The following SLC9A3 variants were observed in gnomAD, a reference collection of about 807,000 sequenced individuals.
SLC9A3 encodes sodium/hydrogen exchanger 3.
Under a neutral mutation model 86.8 loss-of-function variants are expected in SLC9A3, and 37 were observed. The ratio of observed to expected loss-of-function variants is 0.43; its 90% CI spans 0.33 to 0.56. The LOEUF is 0.56. Among genes scored for constraint, SLC9A3 ranks in the 20% least tolerant of loss-of-function variants. The probability of loss-of-function intolerance (pLI) is 0.06; values close to 1 mark genes in which losing one functional copy is unlikely to be tolerated. For synonymous variants in SLC9A3, 581 were observed against 528.3 expected, an observed-to-expected ratio of 1.10 and a Z score of -1.37; for missense variants, 1,011 against 1,171.9, an observed-to-expected ratio of 0.86 and a Z score of 2.00.
intron 5 of SLC9A3, 81 bp downstream of exon 5, chr5:484,439 C>T: frequency 7.3e-7 from 1 of 1,368,796 alleles, no homozygotes; most frequent in Non-Finnish European, 1.0e-6. Context: ...CCCTGGCTGG[C>T]TCGCCCTGCC....
intron 1 of SLC9A3, among the ~76,000 whole-genome samples, chr5:520,219 A>G (rs1210387956): frequency 6.6e-6 from 1 of 152,166 alleles, no homozygotes; most frequent in East Asian, 1.9e-4. Context: ...CCACGACCCA[A>G]GGGGTACCCA....
chr5:519,805 C>T (rs553109410), intron 1 of SLC9A3, among the ~76,000 whole-genome samples: 3 of 151,934 alleles, frequency 2.0e-5, no homozygotes, highest in Non-Finnish European at 4.4e-5. Flanking sequence ...CACACTCCCA[C>T]AGTGGGGGTA....
At chr5:473,521 T>A in intron 16 of SLC9A3, 139 bp from the exon 17 acceptor site, 1 of 638,284 alleles carries the variant, frequency 1.6e-6, no homozygotes, top group Non-Finnish European at 2.2e-6. Context: ...CGGCGTCCGC[T>A]GGGGCCTCCT....
chr5:490,460 C>T (rs865946769), intron 2 of SLC9A3, among the ~76,000 whole-genome samples: 13 of 152,292 alleles, frequency 8.5e-5, no homozygotes, highest in Middle Eastern at 3.4e-3. Flanking sequence ...CATTCTGCTT[C>T]GTGCAAGGGA....
At position 492,665 on chromosome 5, in the gene SLC9A3, G is replaced by T. The variant is rs1217264267; in HGVS notation, c.212-594C>A. On this transcript the variant is annotated intron_variant, in intron 1 of 16. Coordinates refer to ENST00000264938, the MANE Select transcript of SLC9A3 (RefSeq NM_004174.4). ...GTGCTGGATGGACGGTGGTCGGGGG[G>T]GGGCCTCTGACCTGCCGCCCCACCG... Among the ~76,000 whole-genome samples, 3 of 145,796 alleles carry T rather than the reference G, an allele frequency of 2.1e-5. No individual in the cohort carries two copies. In the East Asian group the frequency reaches 5.8e-4, roughly 28 times the overall value.
rs373192316 is a variant in SLC9A3, at chr5:475,149, C to A, written c.2252-17G>T. The A allele has an allele frequency of 1.9e-6, 3 of 1,555,514 alleles. No homozygotes were observed. The highest frequency in any genetic ancestry group is 2.4e-5 in the South Asian group (2 of 83,952). ...TGTCAATTCCTAGGAGAGAGGGCAGCGGCTAGTCAGCCTTCGGAGAGCCCC... is the reference window on the plus strand; with the variant it reads ...TGTCAATTCCTAGGAGAGAGGGCAGAGGCTAGTCAGCCTTCGGAGAGCCCC... On this transcript the variant is annotated splice_polypyrimidine_tract_variant and intron_variant, in intron 15 of 16. Transcript: ENST00000264938.
rs369845154 is a variant in SLC9A3 at position 484,589 on chromosome 5, C to G, written c.863G>C (p.Gly288Ala). The G allele has an allele frequency of 2.2e-5, 35 of 1,613,190 alleles. No individual in the cohort carries two copies. In the African/African-American group the frequency reaches 4.5e-4, roughly 21 times the overall value. The change falls in exon 5 of 17, where the codon GGC (glycine) becomes GCC (alanine). Residue 288 changes from glycine (G) to alanine (A), a missense_variant. Physicochemically the swap from Gly to Ala is moderately conservative, Grantham distance 60. This residue lies in a region of SLC9A3 where 565 missense variants were observed against 790.0 expected (regional missense o/e 0.72). Coordinates refer to ENST00000264938, the MANE Select transcript of SLC9A3 (RefSeq NM_004174.4). ...CAGGTAGGAGATGATGAACACGAAG[C>G]CGGGCTCGATGATACGCACATGCTT... The part of the protein sequence containing the change: ...FTKHVRIIEP[G>A]FVFIISYLSY...
At chr5:488,823 A>G (rs1181838957) in intron 2 of SLC9A3, among the ~76,000 whole-genome samples, 1 of 152,194 alleles carries the variant, frequency 6.6e-6, no homozygotes, top group Non-Finnish European at 1.5e-5. Flanking sequence ...GTCCCAGCCC[A>G]GGAGAAGCAA....
chr5:488,136 C>T (rs548626702), intron 3 of SLC9A3, among the ~76,000 whole-genome samples, 180 bp downstream of exon 3: 103 of 152,332 alleles, frequency 6.8e-4, no homozygotes, highest in African/African-American at 2.5e-3. Context: ...AAAGAAGCCT[C>T]GCGAAAGCTG....
chr5:474,924 G>C lies in SLC9A3; in HGVS notation c.2460C>G (p.Pro820=). ...SVDSFLQADG[P]EERPPAALPE... is the part of the protein sequence containing the mutation. ...GGAGGGCGGCGGGGGGCCGCTCCTC[G>C]GGGCCGTCTGCCTGCAGGAAGGAGT... The change falls in exon 16 of 17, where the codon CCC becomes CCG. Residue 820 remains proline, a synonymous_variant. Coordinates refer to ENST00000264938, the MANE Select transcript of SLC9A3 (RefSeq NM_004174.4). The C allele has an allele frequency of 6.2e-7, 1 of 1,600,796 alleles. No homozygotes were observed. Among genetic ancestry groups the C allele is most frequent in the Admixed American group, 1.7e-5 (1 of 57,244 alleles).
In SLC9A3 at chr5:471,072, T is replaced by G. The variant is rs1171597665; in HGVS notation, c.*2307A>C. ...CTGGGCTGCCGTGAGTGAGGTGTTC[T>G]CACTCTGGTTCCGTGTTTGTGTTTA... On this transcript the variant is annotated 3_prime_UTR_variant, in exon 17 of 17. Transcript: ENST00000264938. 1 of 152,610 alleles carries G rather than the reference T, an allele frequency of 6.6e-6. No homozygotes were observed. The highest frequency in any genetic ancestry group is 1.5e-5 in the Non-Finnish European group (1 of 68,348). The allele number at this position is 152,610 out of a possible 1,614,324, so 9.5% of individuals were successfully genotyped here.
rs200586677 is a variant in SLC9A3 at position 482,720 on chromosome 5, C to T, written c.1184G>A (p.Arg395His). The T allele has an allele frequency of 3.1e-5, 50 of 1,609,934 alleles. No individual in the cohort carries two copies. Among genetic ancestry groups the T allele is most frequent in the Middle Eastern group, 1.7e-4 (1 of 6,058 alleles). The change falls in exon 7 of 17, where the codon CGC (arginine) becomes CAC (histidine). Residue 395 changes from arginine to histidine, a missense_variant. Physicochemically the swap from Arg to His is conservative, Grantham distance 29 (BLOSUM62 0). Around this residue, in one of 3 missense-constraint regions of SLC9A3, gnomAD observed 565 missense variants for 790.0 expected, o/e 0.72. Coordinates refer to ENST00000264938, the MANE Select transcript of SLC9A3 (RefSeq NM_004174.4). Reference sequence around the variant, plus strand: ...GGGCTCCAGCTGCACCATGCGGTAGCGGTTCAGAAGCCAGGTCTGCAGGAC... The same window carrying T: ...GGGCTCCAGCTGCACCATGCGGTAGTGGTTCAGAAGCCAGGTCTGCAGGAC... Reference protein sequence around the residue: ...GVVLQTWLLNRYRMVQLEPID... With the variant: ...GVVLQTWLLNHYRMVQLEPID...
chr5:509,445 T>TGGAAGGAAGGAAGGAG (rs1740777737), intron 1 of SLC9A3, among the ~76,000 whole-genome samples: 1 of 120,958 alleles, frequency 8.3e-6, no homozygotes, highest in African/African-American at 3.2e-5. Context: ...GAGAGTGAGA[T>TGGAAGGAAGGAAGGAG]GGAAGGAAGG....
chr5:485,321 G>A (rs905861792), intron 3 of SLC9A3, 90 bp from the exon 4 acceptor site: 8 of 1,054,332 alleles, frequency 7.6e-6, no homozygotes, highest in African/African-American at 1.5e-5. Context: ...TGGCCCGAGT[G>A]TGGAGCCCAT....
Position 473,173 on chromosome 5 carries a change from CCGGCTCGCCCTCGGG to C in SLC9A3, c.*191_*205del, listed in dbSNP as rs1285997572. ...CCCGCCCCCGGCGCAGGCCCCGCCC[CCGGCTCGCCCTCGGG>C]CGGCTCTGCGGGCGCAGGCGCGGCA... On this transcript the variant is annotated 3_prime_UTR_variant, in exon 17 of 17. Transcript: ENST00000264938. 1.5e-5 allele frequency: 7 copies of C among 469,708 alleles called. No homozygotes were observed. The highest frequency in any genetic ancestry group is 2.3e-5 in the Non-Finnish European group (7 of 305,772). The allele number at this position is 469,708 out of a possible 1,614,324, so 29.1% of individuals were successfully genotyped here.
intron 1 of SLC9A3, among the ~76,000 whole-genome samples, chr5:512,272 T>C (rs1036315587): frequency 1.3e-5 from 2 of 151,068 alleles, no homozygotes; most frequent in African/African-American, 4.9e-5. Flanking sequence ...TTAATAATAA[T>C]GTACCAAGAA....
chr5:511,715 G>C (rs755179078), intron 1 of SLC9A3, among the ~76,000 whole-genome samples: 3 of 152,264 alleles, frequency 2.0e-5, no homozygotes, highest in Admixed American at 6.5e-5. Context: ...CGGCCACTTG[G>C]AAGACAGCGT....
intron 1 of SLC9A3, 133 bp downstream of exon 1, chr5:523,979 C>T (rs977039525): frequency 2.2e-5 from 11 of 489,848 alleles, no homozygotes; most frequent in Admixed American, 8.9e-5. Context: ...TCTGCTGGAC[C>T]CGAGAGCCGG....
chr5:523,537 C>A (rs558380967), intron 1 of SLC9A3, among the ~76,000 whole-genome samples: 2 of 151,456 alleles, frequency 1.3e-5, no homozygotes, highest in Non-Finnish European at 2.9e-5. Context: ...AGCTACCTGC[C>A]GTGCCCACAT....
Sources: allele counts gnomAD v4.1 joint callset (sites outside exome capture counted in the v4.1 genomes callset), GRCh38; gene constraint gnomAD v4.1.1; regional missense constraint gnomAD v4.1.1; transcripts MANE v1.5; gene names NCBI Gene and HGNC (gene_info 2026-07-23, HGNC 2026-07-21).